Variants in VTI1A observed in about 807,000 individuals in gnomAD.
The protein encoded by VTI1A is vesicle transport through interaction with t-SNAREs homolog 1A.
Under a neutral mutation model 34.9 loss-of-function variants are expected in VTI1A, and 22 were observed. That is an observed-to-expected ratio of 0.63 (90% CI 0.45 to 0.90). VTI1A has a LOEUF of 0.90. Ranked by LOEUF, VTI1A falls within the 40% of genes least tolerant of loss-of-function variation. The pLI, the probability that VTI1A is intolerant of heterozygous loss-of-function variation, is 0.00. For missense variants in VTI1A, 268 were observed against 275.6 expected (o/e 0.97, Z 0.20); for synonymous variants, 87 against 97.3 (o/e 0.89, Z 0.62).
chr10:112,509,233 AC>A (rs1476668600), intron 3 of VTI1A, among the ~76,000 whole-genome samples: 1 of 152,210 alleles, frequency 6.6e-6, no homozygotes, highest in African/African-American at 2.4e-5. Context: ...TCTTAGCTAG[AC>A]CTGAAGTCCA....
intron 7 of VTI1A, among the ~76,000 whole-genome samples, chr10:112,803,628 T>C (rs1852959013): frequency 6.6e-6 from 1 of 152,118 alleles, no homozygotes; most frequent in South Asian, 2.1e-4. Context: ...AAGCCAGATG[T>C]GGTAATGTGT....
At chr10:112,659,045 T>C (rs2133817300) in intron 5 of VTI1A, among the ~76,000 whole-genome samples, 1 of 152,350 alleles carries the variant, frequency 6.6e-6, no homozygotes, top group African/African-American at 2.4e-5. Flanking sequence ...CAAATAGTGA[T>C]TAACTCGGCT....
At chr10:112,649,511 A>G (rs1409663759) in intron 5 of VTI1A, among the ~76,000 whole-genome samples, 1 of 152,174 alleles carries the variant, frequency 6.6e-6, no homozygotes, top group African/African-American at 2.4e-5. Context: ...AGTTTCTGCT[A>G]GAAGAGTTTT....
chr10:112,526,513 T>G (rs1850229506), intron 3 of VTI1A, among the ~76,000 whole-genome samples: 1 of 152,162 alleles, frequency 6.6e-6, no homozygotes, highest in Admixed American at 6.5e-5. Flanking sequence ...GACATTTAAA[T>G]TATTGTTTGT....
rs7097704 is a variant in VTI1A at position 112,512,411 on chromosome 10, T to G, written c.265-14676T>G. ...TCAAATGGGGCTATTTGTTTTTTCC[T>G]GTAGAATTGTTTGAGTTCCTTATAT... is the stretch of plus-strand genomic sequence containing the variant. On this transcript the variant is annotated intron_variant, in intron 3 of 7. Coordinates refer to ENST00000393077, the MANE Select transcript of VTI1A (RefSeq NM_145206.4). 4.1e-3 allele frequency among the ~76,000 whole-genome samples: 622 copies of G among 152,314 alleles called. 5 individuals are homozygous for G. The highest frequency in any genetic ancestry group is 0.014 in the African/African-American group (600 of 41,576).
chr10:112,613,032 A>G (rs1407839827), intron 5 of VTI1A, among the ~76,000 whole-genome samples: 3 of 152,096 alleles, frequency 2.0e-5, no homozygotes, highest in Non-Finnish European at 4.4e-5. Context: ...TAAAAATGAT[A>G]CTAATTTTCT....
intron 5 of VTI1A, among the ~76,000 whole-genome samples, chr10:112,569,655 T>C (rs1005335582): frequency 6.6e-6 from 1 of 152,172 alleles, no homozygotes; most frequent in African/African-American, 2.4e-5. Flanking sequence ...GGGAAAACTT[T>C]GGAAGGTGGT....
At chr10:112,510,468 T>TA (rs1453080563) in intron 3 of VTI1A, among the ~76,000 whole-genome samples, 1 of 151,980 alleles carries the variant, frequency 6.6e-6, no homozygotes, top group African/African-American at 2.4e-5. Context: ...ACCCCATCTC[T>TA]AAAAAAATAA....
At chr10:112,823,051 A>G (rs2134104848), downstream of VTI1A, among the ~76,000 whole-genome samples, 1 of 152,290 alleles carries the variant, frequency 6.6e-6, no homozygotes, top group African/African-American at 2.4e-5. Context: ...GCCACCTTCT[A>G]CACTGCCCCC....
intron 5 of VTI1A, among the ~76,000 whole-genome samples, chr10:112,626,006 A>T (rs149771226): frequency 6.6e-6 from 1 of 152,244 alleles, no homozygotes; most frequent in East Asian, 1.9e-4. Flanking sequence ...TGTCTATTCT[A>T]ATCTTTCCGT....
chr10:112,768,772 C>A (rs1027132988), intron 7 of VTI1A, among the ~76,000 whole-genome samples: 5 of 152,178 alleles, frequency 3.3e-5, no homozygotes, highest in Non-Finnish European at 7.4e-5. Flanking sequence ...AGTATTAGAT[C>A]ATTATTAAAT....
At chr10:112,778,917 A>G (rs1407342296) in intron 7 of VTI1A, among the ~76,000 whole-genome samples, 1 of 152,222 alleles carries the variant, frequency 6.6e-6, no homozygotes, top group Non-Finnish European at 1.5e-5. Flanking sequence ...TTGGCACAGG[A>G]AAGAAATATG....
intron 7 of VTI1A, among the ~76,000 whole-genome samples, chr10:112,791,846 G>A (rs74330450): frequency 2.7e-5 from 2 of 74,014 alleles, no homozygotes; most frequent in Non-Finnish European, 6.1e-5. Flanking sequence ...TTTTTTTTTT[G>A]CTTCAGTAGC....
At position 112,740,157 on chromosome 10, in the gene VTI1A, A is replaced by G. The variant is rs1226527239; in HGVS notation, c.560+71159A>G. 2.6e-5 allele frequency among the ~76,000 whole-genome samples: 4 copies of G among 152,180 alleles called. No homozygotes were observed. The East Asian group carries it at 5.8e-4, about 22-fold the overall frequency. ...AAGCCTCCGAGCCATCATCTTGTAG[A>G]CTTGATCTGTGTTTCCTGCACTCTC... On this transcript the variant is annotated intron_variant, in intron 7 of 7. Coordinates refer to ENST00000393077, the MANE Select transcript of VTI1A (RefSeq NM_145206.4).
At chr10:112,539,589 G>C (rs1850784957) in intron 5 of VTI1A, among the ~76,000 whole-genome samples, 1 of 152,162 alleles carries the variant, frequency 6.6e-6, no homozygotes, top group Non-Finnish European at 1.5e-5. Context: ...AGAGGTGACT[G>C]TTCTTGGGAA....
chr10:112,663,436 T>G (rs866828261), intron 5 of VTI1A, among the ~76,000 whole-genome samples: 45 of 152,224 alleles, frequency 3.0e-4, no homozygotes, highest in African/African-American at 9.6e-4. Context: ...TGTCTGGGTT[T>G]TTCTTGTTTC....
At chr10:112,479,097 G>A (rs1282595205) in intron 3 of VTI1A, among the ~76,000 whole-genome samples, 1 of 152,160 alleles carries the variant, frequency 6.6e-6, no homozygotes, top group Non-Finnish European at 1.5e-5. Flanking sequence ...AACCTGGGAG[G>A]CAGAGTTTGC....
intron 3 of VTI1A, among the ~76,000 whole-genome samples, chr10:112,498,358 G>A (rs1418105733): frequency 6.6e-6 from 1 of 152,022 alleles, no homozygotes; most frequent in Admixed American, 6.6e-5. Flanking sequence ...TTCTGTGACA[G>A]CATTAAAGTT....
intron 5 of VTI1A, among the ~76,000 whole-genome samples, chr10:112,572,811 A>C (rs890047786): frequency 2.1e-4 from 31 of 149,398 alleles, no homozygotes; most frequent in Non-Finnish European, 2.8e-4. Flanking sequence ...TACACTCCAG[A>C]CTGGGCGACA....
Sources: gnomAD v4.1 joint callset for allele counts (sites outside exome capture counted in the v4.1 genomes callset) on GRCh38, gnomAD v4.1.1 for gene constraint, MANE v1.5 for transcripts, NCBI Gene and HGNC (gene_info 2026-07-23, HGNC 2026-07-21) for gene names.